The following ARHGAP12 variants were observed in gnomAD, a reference collection of about 807,000 sequenced individuals.
ARHGAP12 encodes Rho GTPase activating protein 12.
A neutral mutation model predicts 108.6 loss-of-function variants in ARHGAP12; 64 were observed. The ratio of observed to expected loss-of-function variants is 0.59; its 90% confidence interval spans 0.48 to 0.73. ARHGAP12 has a LOEUF of 0.73. Among genes scored for constraint, ARHGAP12 ranks in the 30% least tolerant of loss-of-function variants. The pLI, the probability that ARHGAP12 is intolerant of heterozygous loss-of-function variation, is 0.00. For synonymous variants in ARHGAP12, 312 were observed against 337.2 expected, an observed-to-expected ratio of 0.93 and a Z score of 0.82; for missense variants, 940 against 1,005.9, an observed-to-expected ratio of 0.93 and a Z score of 0.89.
intron 10 of ARHGAP12, among the ~76,000 whole-genome samples, chr10:31,829,559 G>C (rs1835755085): frequency 1.3e-5 from 2 of 152,128 alleles, no homozygotes; most frequent in Admixed American, 1.3e-4. Context: ...CAATGGATTT[G>C]ACAACGTCCC....
intron 11 of ARHGAP12, among the ~76,000 whole-genome samples, chr10:31,823,263 G>GA (rs1444519352): frequency 6.6e-6 from 1 of 152,000 alleles, no homozygotes; most frequent in South Asian, 2.1e-4. Context: ...TCTGAAGTGA[G>GA]AAAAAAACAA....
intron 3 of ARHGAP12, among the ~76,000 whole-genome samples, chr10:31,894,487 T>C (rs541239522): frequency 3.9e-4 from 59 of 151,844 alleles, no homozygotes; most frequent in African/African-American, 1.4e-3. Context: ...ATGAGTGAAC[T>C]CCCATTCACA....
In ARHGAP12 at chr10:31,847,765, AGGCAG is replaced by A. The variant is rs1204834614; in HGVS notation, c.1171-4184_1171-4180del. ...CCACCCCACAGTCTCCATAGTGCCC[AGGCAG>A]GGAGGGGGAGAGTGCTCTTTCAATA... On this transcript the variant is annotated intron_variant, in intron 6 of 19. Transcript: ENST00000344936. Among the ~76,000 whole-genome samples the A allele has an allele frequency of 3.3e-5, 5 of 152,116 alleles. No homozygotes were observed. The East Asian group carries it at 9.6e-4, about 29-fold the overall frequency.
At chr10:31,862,553 T>G (rs1257459354) in intron 3 of ARHGAP12, among the ~76,000 whole-genome samples, 3 of 152,160 alleles carry the variant, frequency 2.0e-5, no homozygotes, top group African/African-American at 7.2e-5. Context: ...TCTGTATATA[T>G]TTTCCTTTTA....
intron 3 of ARHGAP12, among the ~76,000 whole-genome samples, chr10:31,881,120 A>G (rs1327875068): frequency 6.6e-6 from 1 of 151,980 alleles, no homozygotes; most frequent in African/African-American, 2.4e-5. Context: ...GACTACAACA[A>G]GGATATGCCC....
intron 13 of ARHGAP12, among the ~76,000 whole-genome samples, chr10:31,816,210 T>TGTGTGTGA (rs57137642): frequency 6.8e-6 from 1 of 147,976 alleles, no homozygotes; most frequent in Non-Finnish European, 1.5e-5. Context: ...TGTGTGTGTG[T>TGTGTGTGA]AAAATCATCT....
intron 3 of ARHGAP12, among the ~76,000 whole-genome samples, chr10:31,899,725 A>C (rs554442070): frequency 7.6e-4 from 116 of 152,190 alleles, no homozygotes; most frequent in Non-Finnish European, 1.4e-3. Context: ...AAATTAACTA[A>C]AAATGGATCA....
chr10:31,857,735 A>G (rs1261698815), intron 4 of ARHGAP12, among the ~76,000 whole-genome samples: 2 of 152,248 alleles, frequency 1.3e-5, no homozygotes, highest in African/African-American at 4.8e-5. Flanking sequence ...TTCAGCATCA[A>G]CAATGGAAGC....
intron 6 of ARHGAP12, among the ~76,000 whole-genome samples, chr10:31,849,371 T>C (rs1564388212): frequency 6.6e-6 from 1 of 152,196 alleles, no homozygotes; most frequent in African/African-American, 2.4e-5. Context: ...TTTCCAAACT[T>C]ACAACAAAAA....
intron 3 of ARHGAP12, among the ~76,000 whole-genome samples, chr10:31,889,071 G>A (rs1838303283): frequency 6.6e-6 from 1 of 152,110 alleles, no homozygotes; most frequent in South Asian, 2.1e-4. Flanking sequence ...CACCATGCCT[G>A]GCTAATTATT....
intron 12 of ARHGAP12, among the ~76,000 whole-genome samples, chr10:31,819,986 C>T (rs1468481527): frequency 6.6e-6 from 1 of 150,948 alleles, no homozygotes; most frequent in African/African-American, 2.4e-5. Flanking sequence ...TTTTTTAGAC[C>T]AGTTTTTGGT....
intron 10 of ARHGAP12, among the ~76,000 whole-genome samples, chr10:31,829,068 C>T (rs1223000675): frequency 6.6e-6 from 1 of 152,136 alleles, no homozygotes; most frequent in African/African-American, 2.4e-5. Context: ...AGGAGAATTG[C>T]TTGAATCTGG....
chr10:31,822,518 T>C (rs1463676058), intron 11 of ARHGAP12, among the ~76,000 whole-genome samples: 1 of 152,218 alleles, frequency 6.6e-6, no homozygotes, highest in Non-Finnish European at 1.5e-5. Flanking sequence ...CCAAATAACT[T>C]TGCAAAGGTC....
At chr10:31,851,257 T>C (rs1836668528) in intron 6 of ARHGAP12, among the ~76,000 whole-genome samples, 2 of 152,188 alleles carry the variant, frequency 1.3e-5, no homozygotes, top group South Asian at 4.1e-4. Context: ...GGAATAGTTT[T>C]TCCTGTTGAG....
rs781181803 is a variant in ARHGAP12, at chr10:31,830,905, C to T, written c.1448+834G>A. On this transcript the variant is annotated intron_variant, in intron 10 of 19. Transcript: ENST00000344936. ...AGAATTTAACAACATACTAAACTGGCGAAAGGTGTGCAGGAATGCACGGCT... is the reference window on the plus strand; with the variant it reads ...AGAATTTAACAACATACTAAACTGGTGAAAGGTGTGCAGGAATGCACGGCT... 6.6e-5 allele frequency among the ~76,000 whole-genome samples: 10 copies of T among 152,150 alleles called. No individual in the cohort carries two copies. The East Asian group carries it at 7.7e-4, about 12-fold the overall frequency.
intron 1 of ARHGAP12, among the ~76,000 whole-genome samples, chr10:31,914,704 G>C (rs1434343229): frequency 1.3e-5 from 2 of 152,136 alleles, no homozygotes; most frequent in African/African-American, 4.8e-5. Flanking sequence ...ATGAAAATTA[G>C]TATTGCCATA....
chr10:31,830,215 G>C (rs1437924498), intron 10 of ARHGAP12, among the ~76,000 whole-genome samples: 1 of 152,020 alleles, frequency 6.6e-6, no homozygotes, highest in African/African-American at 2.4e-5. Flanking sequence ...AGAATATTCA[G>C]TAATTTTTAA....
At chr10:31,885,948 G>A (rs1838173074) in intron 3 of ARHGAP12, among the ~76,000 whole-genome samples, 1 of 151,930 alleles carries the variant, frequency 6.6e-6, no homozygotes, top group Non-Finnish European at 1.5e-5. Flanking sequence ...CAATTTTTCT[G>A]ATTTCGAAGC....
At chr10:31,888,347 C>T (rs949814221) in intron 3 of ARHGAP12, among the ~76,000 whole-genome samples, 4 of 152,064 alleles carry the variant, frequency 2.6e-5, no homozygotes, top group African/African-American at 9.7e-5. Context: ...CTAAACATGT[C>T]CCAAGGCAAG....
Sources: allele counts gnomAD v4.1 joint callset (sites outside exome capture counted in the v4.1 genomes callset), GRCh38; gene constraint gnomAD v4.1.1; transcripts MANE v1.5; gene names NCBI Gene and HGNC (gene_info 2026-07-23, HGNC 2026-07-21).